SART3: variants seen among roughly 807,000 people sequenced by gnomAD.
The protein encoded by SART3 is HIV-1 Tat-interacting protein of 110kDa.
Under a neutral mutation model 122.3 loss-of-function variants are expected in SART3, and 44 were observed. The observed-to-expected ratio is 0.36, with a 90% CI of 0.28 to 0.46. The LOEUF is 0.46. Among genes scored for constraint, SART3 ranks in the 20% least tolerant of loss-of-function variants. The pLI, the probability that SART3 is intolerant of heterozygous loss-of-function variation, is 1.00. For missense variants in SART3, 1,101 were observed against 1,229.0 expected (o/e 0.90, Z 1.56); for synonymous variants, 442 against 454.0 (o/e 0.97, Z 0.34).
rs1872245163 is a variant in SART3 at position 108,523,845 on chromosome 12, C to T, written c.2715-211G>A. ...CTTGTTCAGTTTTGGCAAAGATCAA[C>T]CCTGAGCACCAGTCACACTCAGAGG... On this transcript the variant is annotated intron_variant, in intron 18 of 18. Coordinates refer to ENST00000546815, the MANE Select transcript of SART3 (RefSeq NM_014706.4). 1.5e-5 allele frequency: 9 copies of T among 619,622 alleles called. No homozygotes were observed. The South Asian group carries it at 1.8e-4, about 12-fold the overall frequency. The allele number at this position is 619,622 out of a possible 1,614,324, so 38.4% of individuals were successfully genotyped here.
chr12:108,560,363 G>A (rs2030453083), intron 1 of SART3: 2 of 190,202 alleles, frequency 1.1e-5, no homozygotes, highest in South Asian at 1.9e-4. Flanking sequence ...TCCAGAACCA[G>A]AAACCTTTCC....
Position 108,524,468 on chromosome 12 carries a change from C to T in SART3, c.2562G>A (p.Ala854=), listed in dbSNP as rs925334839. 6.8e-6 allele frequency: 11 copies of T among 1,614,170 alleles called. No homozygotes were observed. Among genetic ancestry groups the T allele is most frequent in the South Asian group, 1.1e-5 (1 of 91,082 alleles). Residue 854 remains alanine (A), a synonymous_variant, in exon 18 of 19, where the codon GCG becomes GCA. Coordinates refer to ENST00000546815, the MANE Select transcript of SART3 (RefSeq NM_014706.4). ...AYVEYENESQ[A]SQAVMKMDGM... is the part of the protein sequence containing the mutation. The stretch of plus-strand genomic sequence containing the variant: ...CGTCCATCTTCATCACAGCCTGCGA[C>T]GCCTGGGATTCATTTTCATACTCCA...
chr12:108,551,200 A>G (rs376402511), intron 1 of SART3, among the ~76,000 whole-genome samples: 1 of 152,244 alleles, frequency 6.6e-6, no homozygotes, highest in East Asian at 1.9e-4. Flanking sequence ...TTAATATCAC[A>G]TAACGTACAC....
At chr12:108,551,752 T>C (rs989196132) in intron 1 of SART3, among the ~76,000 whole-genome samples, 1 of 151,918 alleles carries the variant, frequency 6.6e-6, no homozygotes, top group African/African-American at 2.4e-5. Context: ...CCATGCAGAG[T>C]ATGTTTTGTG....
intron 1 of SART3, among the ~76,000 whole-genome samples, chr12:108,555,894 G>A (rs1014087761): frequency 2.0e-5 from 3 of 152,154 alleles, no homozygotes; most frequent in Non-Finnish European, 4.4e-5. Flanking sequence ...CAGGTAGGAG[G>A]ATTTGTCTTA....
chr12:108,557,089 A>G (rs1206094204), intron 1 of SART3, among the ~76,000 whole-genome samples: 1 of 152,170 alleles, frequency 6.6e-6, no homozygotes, highest in Admixed American at 6.5e-5. Context: ...GAAAGTACAT[A>G]TATTAAATAC....
intron 6 of SART3, among the ~76,000 whole-genome samples, chr12:108,541,401 A>G (rs1873151540): frequency 1.3e-5 from 2 of 152,062 alleles, no homozygotes; most frequent in Non-Finnish European, 2.9e-5. Context: ...GCGAAACTCC[A>G]GTCTCAAAAA....
chr12:108,531,922 G>A, intron 13 of SART3: 1 of 382,810 alleles, frequency 2.6e-6, no homozygotes, highest in South Asian at 2.2e-5. Context: ...AGCTGCTACT[G>A]GCATTTCAGG....
At chr12:108,538,314 CTT>C in intron 7 of SART3, 111 bp from the exon 8 acceptor site, 3 of 1,274,392 alleles carry the variant, frequency 2.4e-6, no homozygotes, top group Non-Finnish European at 2.3e-6. Context: ...ATAAACATCT[CTT>C]GTGACCTGGT....
chr12:108,557,930 GAGGC>G (rs1284463941), intron 1 of SART3, among the ~76,000 whole-genome samples: 1 of 152,214 alleles, frequency 6.6e-6, no homozygotes, highest in Admixed American at 6.5e-5. Context: ...TTGGGAGGCT[GAGGC>G]AGGAGCATCA....
chr12:108,543,145 C>A lies in SART3; in HGVS notation c.789G>T (p.Glu263Asp), dbSNP rs1403135654. Residue 263 changes from glutamate to aspartate, a missense_variant, in exon 6 of 19, where the codon GAG becomes GAT. This residue lies in a region of SART3 where 885 missense variants were observed against 1,080.1 expected (regional missense o/e 0.82). Transcript: ENST00000546815. Reference protein sequence around the residue: ...RQLAIPLYDMEATFAEYEEWS... With the variant: ...RQLAIPLYDMDATFAEYEEWS... ...ATTCTTCATACTCTGCAAATGTGGC[C>A]TCCATATCTATTGAAAGATGGATTC... The A allele has an allele frequency of 6.2e-7, 1 of 1,614,038 alleles. No individual in the cohort carries two copies. Among genetic ancestry groups the A allele is most frequent in the Non-Finnish European group, 8.5e-7 (1 of 1,180,006 alleles).
chr12:108,526,037 G>C lies in SART3; in HGVS notation c.2370+62C>G, dbSNP rs745747794. Reference sequence around the variant, plus strand: ...TCTATCCTAAATATCACTGCTGCAGGAAGAAAGTGCCTGTCTAAAGCAACC... The same window carrying C: ...TCTATCCTAAATATCACTGCTGCAGCAAGAAAGTGCCTGTCTAAAGCAACC... On this transcript the variant is annotated intron_variant, in intron 16 of 18. Coordinates refer to ENST00000546815, the MANE Select transcript of SART3 (RefSeq NM_014706.4). 550 of 1,291,188 alleles carry C rather than the reference G, an allele frequency of 4.3e-4. 1 individual carries two copies. Among genetic ancestry groups the C allele is most frequent in the Non-Finnish European group, 6.0e-4 (533 of 889,564 alleles). The allele number at this position is 1,291,188 out of a possible 1,614,324, so 80.0% of individuals were successfully genotyped here.
At chr12:108,541,146 C>G (rs1481827925) in intron 6 of SART3, among the ~76,000 whole-genome samples, 1 of 152,204 alleles carries the variant, frequency 6.6e-6, no homozygotes, top group African/African-American at 2.4e-5. Flanking sequence ...GTGACTCACG[C>G]CTGTAATCCC....
At position 108,545,259 on chromosome 12, in the gene SART3, A is replaced by G; in HGVS notation, c.609T>C (p.Leu203=). Residue 203 remains leucine (L), a synonymous_variant, in exon 4 of 19, where the codon CTT becomes CTC. Coordinates refer to ENST00000546815, the MANE Select transcript of SART3 (RefSeq NM_014706.4). ...SVGGIGQKGG[L]EKVRSVFERA... ...TTTCAAACACGGAGCGAACTTTCTC[A>G]AGGCCACCTTTCTGACCAATCCCAC... 6.2e-7 allele frequency: 1 copy of G among 1,614,022 alleles called. No individual in the cohort carries two copies. Among genetic ancestry groups the G allele is most frequent in the Non-Finnish European group, 8.5e-7 (1 of 1,179,876 alleles).
intron 13 of SART3, chr12:108,531,967 A>G (rs1872697396): frequency 2.2e-6 from 1 of 459,692 alleles, no homozygotes; most frequent in African/African-American, 2.0e-5. Flanking sequence ...ACATTGTATA[A>G]CGCACAGTCC....
At position 108,561,160 on chromosome 12, in the gene SART3, G is replaced by T. The variant is rs755812268; in HGVS notation, c.-6C>A. ...GTTTCGGCCGCAGTCGCCATCTTGCGCTTCTAATGACTCTCGGGTCTTCCC... is the reference window on the plus strand; with the variant it reads ...GTTTCGGCCGCAGTCGCCATCTTGCTCTTCTAATGACTCTCGGGTCTTCCC... On this transcript the variant is annotated 5_prime_UTR_variant, in exon 1 of 19. Transcript: ENST00000546815. 1 of 1,612,850 alleles carries T rather than the reference G, an allele frequency of 6.2e-7. No individual in the cohort carries two copies. Among genetic ancestry groups the T allele is most frequent in the Non-Finnish European group, 8.5e-7 (1 of 1,178,924 alleles).
intron 1 of SART3, chr12:108,549,438 T>C: frequency 1.9e-6 from 1 of 519,508 alleles, no homozygotes; most frequent in Admixed American, 3.2e-5. Context: ...TTACAGTTCC[T>C]GTTAGAAGAC....
chr12:108,558,905 C>T (rs1321689086), intron 1 of SART3, among the ~76,000 whole-genome samples: 1 of 151,794 alleles, frequency 6.6e-6, no homozygotes, highest in Non-Finnish European at 1.5e-5. Context: ...TGGTGGCGGG[C>T]GCCTGTAGTC....
At chr12:108,528,440 G>A (rs562677900) in intron 15 of SART3, among the ~76,000 whole-genome samples, 5 of 142,708 alleles carry the variant, frequency 3.5e-5, no homozygotes, top group Admixed American at 7.3e-5. Context: ...CCGAGATCAC[G>A]CAACTGCACT....
Sources: gnomAD v4.1 joint callset for allele counts (sites outside exome capture counted in the v4.1 genomes callset) on GRCh38, gnomAD v4.1.1 for gene constraint, gnomAD v4.1.1 regional missense constraint, MANE v1.5 for transcripts, NCBI Gene and HGNC (gene_info 2026-07-23, HGNC 2026-07-21) for gene names.